The following SULF2 variants were observed in gnomAD, a reference collection of about 807,000 sequenced individuals.
The protein encoded by SULF2 is extracellular sulfatase Sulf-2.
Under a neutral mutation model 107.7 loss-of-function variants are expected in SULF2, and 52 were observed. The ratio of observed to expected loss-of-function variants is 0.48; its 90% CI spans 0.39 to 0.61. The LOEUF is 0.61. Ranked by LOEUF, SULF2 falls within the 20% of genes least tolerant of loss-of-function variation. The pLI is 0.00. For synonymous variants in SULF2, 460 were observed against 464.3 expected (o/e 0.99, Z 0.12); for missense variants, 993 against 1,177.3 (o/e 0.84, Z 2.29).
chr20:47,709,773 G>A (rs2088864434), intron 3 of SULF2, among the ~76,000 whole-genome samples: 1 of 150,770 alleles, frequency 6.6e-6, no homozygotes, highest in African/African-American at 2.5e-5. Context: ...TGTGTGTAAA[G>A]CAATATGGAA....
intron 3 of SULF2, among the ~76,000 whole-genome samples, chr20:47,727,371 A>C (rs2089473025): frequency 6.6e-6 from 1 of 152,164 alleles, no homozygotes; most frequent in Admixed American, 6.5e-5. Flanking sequence ...AGGGGTGCCA[A>C]GATTCCCAGC....
intron 10 of SULF2, among the ~76,000 whole-genome samples, chr20:47,674,272 C>T (rs2087568791): frequency 1.3e-5 from 2 of 152,244 alleles, no homozygotes; most frequent in African/African-American, 4.8e-5. Context: ...GGCGCCTGAG[C>T]CCCACAGGGC....
intron 1 of SULF2, among the ~76,000 whole-genome samples, chr20:47,762,965 C>T (rs990879676): frequency 1.3e-5 from 2 of 152,206 alleles, no homozygotes; most frequent in Non-Finnish European, 2.9e-5. Flanking sequence ...TCAGACTTCT[C>T]GTGGCCTCAT....
In SULF2 at chr20:47,702,555, G is replaced by A. The variant is rs1212802155; in HGVS notation, c.531C>T (p.Asn177=). 23 of 1,612,960 alleles carry A rather than the reference G, an allele frequency of 1.4e-5. No individual in the cohort carries two copies. The highest frequency in any genetic ancestry group is 1.1e-4 in the East Asian group (5 of 44,874). Residue 177 remains asparagine, a synonymous_variant, in exon 4 of 21, where the codon AAC becomes AAT. Coordinates refer to ENST00000688720, the MANE Select transcript of SULF2 (RefSeq NM_001387048.1). ...CGGAGCCGTGCTTCTCTTTCACCCCGTTCCGACACAGCGTGTAGTTATAAA... is the reference window on the plus strand; with the variant it reads ...CGGAGCCGTGCTTCTCTTTCACCCCATTCCGACACAGCGTGTAGTTATAAA... ...SRFYNYTLCR[N]GVKEKHGSDY... is the part of the protein sequence containing the mutation.
At chr20:47,718,944 G>C (rs183576849) in intron 3 of SULF2, among the ~76,000 whole-genome samples, 107 of 152,340 alleles carry the variant, frequency 7.0e-4, no homozygotes, top group East Asian at 3.1e-3. Flanking sequence ...CTGAGGAAGA[G>C]GTTCTTAATC....
At chr20:47,674,505 C>T in intron 10 of SULF2, among the ~76,000 whole-genome samples, 1 of 152,204 alleles carries the variant, frequency 6.6e-6, no homozygotes, top group East Asian at 1.9e-4. Flanking sequence ...TGATGATCAT[C>T]ATTACGAGGT....
At chr20:47,726,619 G>A (rs931599836) in intron 3 of SULF2, among the ~76,000 whole-genome samples, 1 of 152,222 alleles carries the variant, frequency 6.6e-6, no homozygotes, top group Non-Finnish European at 1.5e-5. Context: ...CATGGCTAGT[G>A]CACCTGAGAA....
At position 47,778,456 on chromosome 20, in the gene SULF2, G is replaced by A. The variant is rs139669720; in HGVS notation, c.-101+6887C>T. On this transcript the variant is annotated intron_variant, in intron 1 of 20. Transcript: ENST00000688720. ...ATGACGCTCCATGGCAGAGGCCAGG[G>A]CCACTGGGCAACGTGTGCTTTGGAA... 6.1e-3 allele frequency among the ~76,000 whole-genome samples: 929 copies of A among 152,370 alleles called. 9 individuals are homozygous for A. Among genetic ancestry groups the A allele is most frequent in the African/African-American group, 0.02 (851 of 41,588 alleles).
intron 7 of SULF2, among the ~76,000 whole-genome samples, chr20:47,679,033 C>T (rs1200509384): frequency 2.2e-5 from 3 of 139,266 alleles, no homozygotes; most frequent in East Asian, 2.4e-4. Flanking sequence ...TCAGCTCATG[C>T]CGTGAGCTGA....
chr20:47,731,333 C>T (rs1249461507), intron 3 of SULF2, among the ~76,000 whole-genome samples: 2 of 151,652 alleles, frequency 1.3e-5, no homozygotes, highest in African/African-American at 2.4e-5. Context: ...GCTGGGATTA[C>T]AGGTGTACAT....
chr20:47,702,340 G>A (rs1317797460), intron 4 of SULF2, among the ~76,000 whole-genome samples, 179 bp downstream of exon 4: 1 of 152,172 alleles, frequency 6.6e-6, no homozygotes, highest in Admixed American at 6.5e-5. Context: ...GATTACAGGC[G>A]TGAGCCACTG....
intron 5 of SULF2, among the ~76,000 whole-genome samples, chr20:47,687,096 T>G (rs539880616): frequency 1.3e-5 from 2 of 152,188 alleles, no homozygotes; most frequent in African/African-American, 4.8e-5. Flanking sequence ...GGATGCAATT[T>G]TCAGCAATCA....
In SULF2 at chr20:47,736,780, C is replaced by A; in HGVS notation, c.338G>T (p.Cys113Phe). The A allele has an allele frequency of 1.9e-6, 3 of 1,614,206 alleles. No individual in the cohort carries two copies. Among genetic ancestry groups the A allele is most frequent in the Non-Finnish European group, 2.5e-6 (3 of 1,180,042 alleles). Residue 113 changes from cysteine to phenylalanine, a missense_variant, in exon 3 of 21, where the codon TGC becomes TTC. Transcript: ENST00000688720. ...CTGTGCCTGCCAGGAGGGCGAGGAG[C>A]AGTTCTCATTGTTGGTGTAGGTGTT... is the stretch of plus-strand genomic sequence containing the variant. ...NHNTYTNNENCSSPSWQAQHE... is the reference protein window; with the variant it reads ...NHNTYTNNENFSSPSWQAQHE...
intron 3 of SULF2, among the ~76,000 whole-genome samples, chr20:47,726,173 C>T (rs1343722818): frequency 1.3e-5 from 2 of 152,134 alleles, no homozygotes; most frequent in Admixed American, 6.5e-5. Flanking sequence ...GTGTCACTCC[C>T]CACTCCCAAA....
chr20:47,705,092 A>G (rs541889449), intron 3 of SULF2, among the ~76,000 whole-genome samples: 1 of 152,290 alleles, frequency 6.6e-6, no homozygotes, highest in East Asian at 1.9e-4. Flanking sequence ...AACCCCCAAA[A>G]TACAAGGCAA....
chr20:47,753,015 C>T (rs111505750), intron 2 of SULF2, among the ~76,000 whole-genome samples: 1 of 145,358 alleles, frequency 6.9e-6, no homozygotes, highest in African/African-American at 2.6e-5. Flanking sequence ...GCAGGAGAAT[C>T]ACGTGAACCC....
intron 18 of SULF2, among the ~76,000 whole-genome samples, chr20:47,660,797 A>G (rs2087040128): frequency 6.6e-6 from 1 of 151,920 alleles, no homozygotes; most frequent in African/African-American, 2.4e-5. Context: ...TAAAATATCT[A>G]TCTGGTTGGC....
rs552013120 is a variant in SULF2 at position 47,663,435 on chromosome 20, T to C, written c.2227+18A>G. 3.1e-6 allele frequency: 5 copies of C among 1,605,650 alleles called. No individual in the cohort carries two copies. In the East Asian group the frequency reaches 8.9e-5, roughly 29 times the overall value. On this transcript the variant is annotated intron_variant, in intron 16 of 20. Coordinates refer to ENST00000688720, the MANE Select transcript of SULF2 (RefSeq NM_001387048.1). ...CCCTGGGCCTCAGCCTGTCCACCCC[T>C]GCCCTGGGCTTGCTCACGTGTCCAG...
chr20:47,696,951 C>T lies in SULF2; in HGVS notation c.567+5568G>A, dbSNP rs78439310. On this transcript the variant is annotated intron_variant, in intron 4 of 20. Coordinates refer to ENST00000688720, the MANE Select transcript of SULF2 (RefSeq NM_001387048.1). The stretch of plus-strand genomic sequence containing the variant: ...AGAGCTACAACCAGCTGCTCCATCA[C>T]GCCGTCTCCTGCCTATGACTGAGGC... 8.7e-3 allele frequency among the ~76,000 whole-genome samples: 1,330 copies of T among 152,312 alleles called. 11 individuals are homozygous for T. The highest frequency in any genetic ancestry group is 0.041 in the Middle Eastern group (12 of 294).
Sources: allele counts gnomAD v4.1 joint callset (sites outside exome capture counted in the v4.1 genomes callset), GRCh38; gene constraint gnomAD v4.1.1; transcripts MANE v1.5; gene names NCBI Gene and HGNC (gene_info 2026-07-23, HGNC 2026-07-21).